The following RPTOR variants were observed in gnomAD, a reference collection of about 807,000 sequenced individuals.
RPTOR encodes the protein regulatory-associated protein of mTOR.
Under a neutral mutation model 169.9 loss-of-function variants are expected in RPTOR, and 21 were observed. The ratio of observed to expected loss-of-function variants is 0.12; its 90% CI spans 0.09 to 0.18. The LOEUF is 0.18. RPTOR is among the 10% of genes least tolerant of loss of function. RPTOR has a pLI of 1.00. For missense variants in RPTOR, 1,133 were observed against 1,855.9 expected (o/e 0.61, Z 7.16); for synonymous variants, 732 against 753.2 (o/e 0.97, Z 0.46).
rs1223545687 is a variant in RPTOR at position 80,957,435 on chromosome 17, A to G, written c.3371-189A>G. On this transcript the variant is annotated intron_variant, in intron 28 of 33. Coordinates refer to ENST00000306801, the MANE Select transcript of RPTOR (RefSeq NM_020761.3). This position sits in a 1 kb window ranked among gnomAD's most constrained non-coding sequence, Gnocchi z 4.6. ...AGTTCCAGCTCAGAATTGTCACCCC[A>G]GCCTGGACGTGGGGCACACCAGGGT... is the stretch of plus-strand genomic sequence containing the variant. 1.3e-5 allele frequency among the ~76,000 whole-genome samples: 2 copies of G among 151,974 alleles called. No individual in the cohort carries two copies. Among genetic ancestry groups the G allele is most frequent in the African/African-American group, 2.4e-5 (1 of 41,368 alleles).
intron 24 of RPTOR, among the ~76,000 whole-genome samples, chr17:80,931,134 G>A (rs530146634): frequency 1.3e-5 from 2 of 152,298 alleles, no homozygotes; most frequent in East Asian, 3.9e-4. Context: ...TATTGCTCTG[G>A]TAAAAGCCGC....
At chr17:80,756,092 C>A (rs114881073) in intron 6 of RPTOR, among the ~76,000 whole-genome samples, 2,659 of 152,366 alleles carry the variant, frequency 0.017, 87 homozygotes, top group African/African-American at 0.061. Context: ...GTGCTGGAAA[C>A]TTAATCCCCC....
rs2084261775 is a variant in RPTOR, at chr17:80,545,405, G to T, written c.-225G>T. 6.8e-6 allele frequency: 3 copies of T among 444,340 alleles called. No homozygotes were observed. The highest frequency in any genetic ancestry group is 2.0e-5 in the African/African-American group (1 of 49,408). 27.5% of individuals were successfully genotyped at this position (444,340 alleles called of 1,614,324 possible). On this transcript the variant is annotated 5_prime_UTR_variant, in exon 1 of 34. Transcript: ENST00000306801. ...GGTGTGTGTCTGCGGAGCTTCTTGG[G>T]CTGCCCCATTTCCTAGCGGCCCCCA...
chr17:80,857,198 C>G (rs2067862015), intron 12 of RPTOR, among the ~76,000 whole-genome samples: 1 of 152,210 alleles, frequency 6.6e-6, no homozygotes, highest in African/African-American at 2.4e-5. Flanking sequence ...GGCAGAGAGT[C>G]CCCTGAGAAT....
At chr17:80,636,420 G>A (rs1034451941) in intron 2 of RPTOR, among the ~76,000 whole-genome samples, 2 of 152,068 alleles carry the variant, frequency 1.3e-5, no homozygotes, top group African/African-American at 2.4e-5. Flanking sequence ...TGTATTTCAC[G>A]CAGTTCTGGA....
At chr17:80,787,780 CTCACGT>C (rs2067008338) in intron 6 of RPTOR, among the ~76,000 whole-genome samples, 1 of 152,156 alleles carries the variant, frequency 6.6e-6, no homozygotes, top group Admixed American at 6.5e-5. Context: ...TGAACATTTC[CTCACGT>C]TCAGTGGCCA....
At chr17:80,566,302 A>G (rs1052684409) in intron 1 of RPTOR, among the ~76,000 whole-genome samples, 5 of 152,186 alleles carry the variant, frequency 3.3e-5, no homozygotes, top group African/African-American at 1.2e-4. Context: ...CAGCAAATAG[A>G]GATAGCGCGG....
chr17:80,800,855 C>G (rs947769016), intron 7 of RPTOR, among the ~76,000 whole-genome samples: 1 of 152,180 alleles, frequency 6.6e-6, no homozygotes, highest in African/African-American at 2.4e-5. Context: ...CAAAGCGTAC[C>G]CAGAACTTAC....
chr17:80,909,429 C>T (rs2068585594), intron 21 of RPTOR: 1 of 154,552 alleles, frequency 6.5e-6, no homozygotes, highest in African/African-American at 2.4e-5. Flanking sequence ...AATGCAGTGA[C>T]CTGATCACGG....
At chr17:80,737,934 A>T (rs554755452) in intron 5 of RPTOR, among the ~76,000 whole-genome samples, 149 of 152,182 alleles carry the variant, frequency 9.8e-4, no homozygotes, top group Non-Finnish European at 1.8e-3. Context: ...AACATACAGT[A>T]GAAACCCCTT....
At chr17:80,879,322 T>C (rs1432119066) in intron 13 of RPTOR, among the ~76,000 whole-genome samples, 1 of 150,566 alleles carries the variant, frequency 6.6e-6, no homozygotes, top group Non-Finnish European at 1.5e-5. Flanking sequence ...CCTGCTGGGC[T>C]CTGCAGCCCC....
At chr17:80,737,056 T>A (rs1336909857) in intron 5 of RPTOR, among the ~76,000 whole-genome samples, 1 of 152,238 alleles carries the variant, frequency 6.6e-6, no homozygotes, top group Non-Finnish European at 1.5e-5. Context: ...CAAGTGATAT[T>A]AATTTTTAGG....
intron 21 of RPTOR, among the ~76,000 whole-genome samples, chr17:80,914,298 C>T (rs1158034733): frequency 6.6e-6 from 1 of 152,242 alleles, no homozygotes; most frequent in East Asian, 1.9e-4. Flanking sequence ...GCTACAGCCA[C>T]CCAGCCACAA....
intron 3 of RPTOR, among the ~76,000 whole-genome samples, chr17:80,669,049 G>T (rs1462553012): frequency 6.6e-6 from 1 of 152,186 alleles, no homozygotes; most frequent in Non-Finnish European, 1.5e-5. Flanking sequence ...GCTTTGCTCG[G>T]GGACACGCTT....
At chr17:80,762,072 AC>A (rs2066741966) in intron 6 of RPTOR, among the ~76,000 whole-genome samples, 1 of 152,252 alleles carries the variant, frequency 6.6e-6, no homozygotes, top group East Asian at 1.9e-4. Flanking sequence ...TTCTCCCCAA[AC>A]AAGACAGTGT....
At chr17:80,694,383 A>G (rs2066018525) in intron 3 of RPTOR, among the ~76,000 whole-genome samples, 1 of 152,194 alleles carries the variant, frequency 6.6e-6, no homozygotes, top group Admixed American at 6.5e-5. Context: ...GGTGAGGCGC[A>G]TGGTAGATGT....
intron 1 of RPTOR, among the ~76,000 whole-genome samples, chr17:80,612,335 T>C (rs1304642376): frequency 2.6e-5 from 4 of 152,330 alleles, no homozygotes; most frequent in Non-Finnish European, 5.9e-5. Flanking sequence ...CTTGCTGTGT[T>C]GCCCAGGCTG....
chr17:80,746,711 G>C lies in RPTOR; in HGVS notation c.655-7299G>C, dbSNP rs2066579267. Among the ~76,000 whole-genome samples the C allele has an allele frequency of 6.6e-6, 1 of 152,138 alleles. No homozygotes were observed. The highest frequency in any genetic ancestry group is 2.4e-5 in the African/African-American group (1 of 41,434). On this transcript the variant is annotated intron_variant, in intron 5 of 33. Transcript: ENST00000306801. The surrounding 1 kb of genome is among the most constrained non-coding windows in gnomAD (Gnocchi z 4.5). ...GGCCTGGGCACTGTTCACAAGCTTG[G>C]CCAATCACAAGCACTCAGCCTTACA...
intron 5 of RPTOR, among the ~76,000 whole-genome samples, chr17:80,752,406 T>TC (rs1226598370): frequency 6.6e-6 from 1 of 152,200 alleles, no homozygotes; most frequent in Non-Finnish European, 1.5e-5. Flanking sequence ...CTGCTGTGCC[T>TC]CCCCCAGCTG....
Sources: gnomAD v4.1 joint callset for allele counts (sites outside exome capture counted in the v4.1 genomes callset) on GRCh38, gnomAD v4.1.1 for gene constraint, Gnocchi (gnomAD v3.1) non-coding constraint, MANE v1.5 for transcripts, NCBI Gene and HGNC (gene_info 2026-07-23, HGNC 2026-07-21) for gene names.